The following THSD7A variants were observed in gnomAD, a reference collection of about 807,000 sequenced individuals.
The protein encoded by THSD7A is thrombospondin type 1 domain containing 7A.
THSD7A carries 96 observed loss-of-function variants against 231.3 expected under a neutral mutation model. The ratio of observed to expected loss-of-function variants is 0.41; its 90% CI spans 0.35 to 0.49. THSD7A has a LOEUF of 0.49. Among genes scored for constraint, THSD7A ranks in the 20% least tolerant of loss-of-function variants. The probability of loss-of-function intolerance (pLI) is 0.05; values close to 1 mark genes in which losing one functional copy is unlikely to be tolerated. For synonymous variants in THSD7A, 940 were observed against 743.3 expected (o/e 1.26, Z -4.30); for missense variants, 2,290 against 2,070.2 (o/e 1.11, Z -2.06).
chr7:11,817,549 G>A (rs956812239), intron 1 of THSD7A, among the ~76,000 whole-genome samples: 1 of 152,156 alleles, frequency 6.6e-6, no homozygotes, highest in Non-Finnish European at 1.5e-5. Context: ...GATCCAAGGA[G>A]GAAGAGGAAT....
rs555024844 is a variant in THSD7A at position 11,457,974 on chromosome 7, T to C, written c.2605+2688A>G. On this transcript the variant is annotated intron_variant, in intron 11 of 27. Transcript: ENST00000423059. Reference sequence around the variant, plus strand: ...GGTGACATTAACAGTGATCTAATTTTCCTAAAAAATATAAGCTCTCTGGTT... The same window carrying C: ...GGTGACATTAACAGTGATCTAATTTCCCTAAAAAATATAAGCTCTCTGGTT... 1.3e-3 allele frequency among the ~76,000 whole-genome samples: 198 copies of C among 152,224 alleles called. 1 individual carries two copies. The highest frequency in any genetic ancestry group is 0.01 in the Middle Eastern group (3 of 294).
intron 6 of THSD7A, among the ~76,000 whole-genome samples, chr7:11,513,204 C>T (rs1787891854): frequency 6.6e-6 from 1 of 151,410 alleles, no homozygotes; most frequent in Non-Finnish European, 1.5e-5. Context: ...AAATGTGGTG[C>T]AGCATATACT....
At chr7:11,407,224 T>G in intron 20 of THSD7A, 82 bp downstream of exon 20, 1 of 1,429,122 alleles carries the variant, frequency 7.0e-7, no homozygotes, top group Non-Finnish European at 9.6e-7. Flanking sequence ...TGAAGATTAT[T>G]TGATATGGGT....
intron 1 of THSD7A, among the ~76,000 whole-genome samples, chr7:11,789,203 C>T (rs1783877512): frequency 6.6e-6 from 1 of 151,858 alleles, no homozygotes; most frequent in Admixed American, 6.6e-5. Context: ...GGCCAGTGTG[C>T]CTGGAACTTT....
intron 2 of THSD7A, among the ~76,000 whole-genome samples, chr7:11,619,000 C>T (rs531610582): frequency 1.1e-3 from 171 of 151,746 alleles, no homozygotes; most frequent in South Asian, 5.6e-3. Flanking sequence ...GATAGTAATA[C>T]ATAAAATTTA....
At chr7:11,620,094 T>C (rs1321590760) in intron 2 of THSD7A, among the ~76,000 whole-genome samples, 1 of 152,220 alleles carries the variant, frequency 6.6e-6, no homozygotes, top group Non-Finnish European at 1.5e-5. Context: ...TCAATAAAAC[T>C]AGTTAAGTAA....
rs766594289 is a variant in THSD7A, at chr7:11,406,433, A to G, written c.4104T>C (p.Ser1368=). 45 of 1,613,762 alleles carry G rather than the reference A, an allele frequency of 2.8e-5. No homozygotes were observed. Among genetic ancestry groups the G allele is most frequent in the Non-Finnish European group, 3.6e-5 (42 of 1,179,838 alleles). The change falls in exon 22 of 28, where the codon TCT becomes TCC. Residue 1368 remains serine (S), a synonymous_variant. Transcript: ENST00000423059. The surrounding 1 kb of genome is among the most constrained non-coding windows in gnomAD (Gnocchi z 4.7). ...CAGCTGACCCATCACTTACTACACA[A>G]GAAATGTTCCTTGTTCTGGTCCCTT... ...CGEGTRTRNI[S]CVVSDGSADD...
At chr7:11,503,688 T>C (rs1225477898) in intron 6 of THSD7A, among the ~76,000 whole-genome samples, 1 of 151,988 alleles carries the variant, frequency 6.6e-6, no homozygotes, top group Non-Finnish European at 1.5e-5. Context: ...CATACATGTG[T>C]CCAACAAGCA....
chr7:11,664,165 G>C (rs7779154), intron 1 of THSD7A, among the ~76,000 whole-genome samples: 4,717 of 151,540 alleles, frequency 0.031, 221 homozygotes, highest in African/African-American at 0.11. Flanking sequence ...GATTCAATAA[G>C]TTTTTCTAAT....
chr7:11,514,014 C>T (rs927324698), intron 6 of THSD7A, among the ~76,000 whole-genome samples: 8 of 152,062 alleles, frequency 5.3e-5, no homozygotes, highest in Admixed American at 3.3e-4. Context: ...CTCAAACATG[C>T]TACGTGTGCA....
intron 4 of THSD7A, among the ~76,000 whole-genome samples, chr7:11,546,198 G>A (rs1235827275): frequency 1.6e-4 from 8 of 50,264 alleles, no homozygotes; most frequent in African/African-American, 1.0e-3. Flanking sequence ...TGGTGTGGGC[G>A]CGCGCTCACA....
chr7:11,529,009 G>A (rs1278006506), intron 6 of THSD7A, among the ~76,000 whole-genome samples: 1 of 152,102 alleles, frequency 6.6e-6, no homozygotes, highest in Non-Finnish European at 1.5e-5. Context: ...TCTGCCCACA[G>A]TCAGTAGCTT....
At chr7:11,459,105 C>A (rs1449689297) in intron 11 of THSD7A, among the ~76,000 whole-genome samples, 1 of 152,010 alleles carries the variant, frequency 6.6e-6, no homozygotes, top group East Asian at 1.9e-4. Context: ...TCTGCTTTAC[C>A]TAATTTTATT....
chr7:11,420,256 C>T (rs547413081), intron 16 of THSD7A, among the ~76,000 whole-genome samples: 1 of 152,230 alleles, frequency 6.6e-6, no homozygotes, highest in African/African-American at 2.4e-5. Flanking sequence ...ACTCCCATCA[C>T]AAGCCCAGAG....
chr7:11,561,222 C>T (rs1004185139), intron 4 of THSD7A, among the ~76,000 whole-genome samples: 8 of 152,114 alleles, frequency 5.3e-5, no homozygotes, highest in African/African-American at 1.7e-4. Context: ...CAGGCACACA[C>T]ATATGCATAT....
chr7:11,395,530 T>C (rs1381949818), intron 23 of THSD7A, among the ~76,000 whole-genome samples: 3 of 151,392 alleles, frequency 2.0e-5, no homozygotes, highest in African/African-American at 7.3e-5. Flanking sequence ...TTCTTTTTTT[T>C]TTTTTTTTCT....
intron 6 of THSD7A, among the ~76,000 whole-genome samples, chr7:11,529,561 C>T (rs531186451): frequency 1.3e-5 from 2 of 151,606 alleles, no homozygotes; most frequent in South Asian, 2.1e-4. Flanking sequence ...GGAGTTTTGA[C>T]AAGAGCTGAT....
chr7:11,685,983 G>A (rs556455157), intron 1 of THSD7A, among the ~76,000 whole-genome samples: 3 of 151,940 alleles, frequency 2.0e-5, no homozygotes, highest in Non-Finnish European at 4.4e-5. Flanking sequence ...CCCATTAATG[G>A]TGGACTGGAT....
At chr7:11,395,917 A>G (rs1357821493) in intron 23 of THSD7A, among the ~76,000 whole-genome samples, 1 of 151,840 alleles carries the variant, frequency 6.6e-6, no homozygotes, top group Non-Finnish European at 1.5e-5. Context: ...AGAAAATCCA[A>G]AAGAACAGAA....
Sources: gnomAD v4.1 joint callset for allele counts (sites outside exome capture counted in the v4.1 genomes callset) on GRCh38, gnomAD v4.1.1 for gene constraint, Gnocchi (gnomAD v3.1) non-coding constraint, MANE v1.5 for transcripts, NCBI Gene and HGNC (gene_info 2026-07-23, HGNC 2026-07-21) for gene names.